The following CCDC30 variants were observed in gnomAD, a reference collection of about 807,000 sequenced individuals.
CCDC30 encodes the protein coiled-coil domain containing 30, also known as coiled-coil domain-containing protein 30.
In CCDC30, 70 loss-of-function variants were observed where a neutral mutation model predicts 100.2. The ratio of observed to expected loss-of-function variants is 0.70; its 90% CI spans 0.58 to 0.85. The LOEUF (loss-of-function observed/expected upper bound fraction) is 0.85. CCDC30 is among the 40% of genes least tolerant of loss of function. CCDC30 has a pLI of 0.00. For synonymous variants in CCDC30, 233 were observed against 269.5 expected (o/e 0.86, Z 1.33); for missense variants, 652 against 771.2 (o/e 0.85, Z 1.83).
chr1:42,457,323 G>A, the CCDC30 span: 3 of 1,614,182 alleles, frequency 1.9e-6, no homozygotes, highest in East Asian at 2.2e-5. Context: ...CTGAACACAA[G>A]ATCCAGTCAT....
chr1:42,642,743 T>C lies in CCDC30; in HGVS notation c.1556+134T>C, dbSNP rs543788212. Reference sequence around the variant, plus strand: ...ACTCTCGCTCCGCTGTCTGCTGTTTTTGGCAGATCATACAAGTGGCAGAAA... The same window carrying C: ...ACTCTCGCTCCGCTGTCTGCTGTTTCTGGCAGATCATACAAGTGGCAGAAA... On this transcript the variant is annotated intron_variant, in intron 13 of 16. Coordinates refer to ENST00000668663, the Ensembl canonical transcript of CCDC30. 23 of 844,076 alleles carry C rather than the reference T, an allele frequency of 2.7e-5. No individual in the cohort carries two copies. In the South Asian group the frequency reaches 8.1e-4, roughly 30 times the overall value. 52.3% of individuals were successfully genotyped at this position (844,076 alleles called of 1,614,324 possible). A position where few individuals can be genotyped will look rare whatever the true frequency, so the allele number is the denominator to read the frequency against.
chr1:42,456,587 G>A, the CCDC30 span: 6 of 1,498,164 alleles, frequency 4.0e-6, no homozygotes, highest in East Asian at 1.4e-4. Context: ...GGATCCGGTA[G>A]CCGAGTTCCC....
At chr1:42,523,221 A>G (rs1644674877) in intron 6 of CCDC30, among the ~76,000 whole-genome samples, 1 of 152,126 alleles carries the variant, frequency 6.6e-6, no homozygotes, top group African/African-American at 2.4e-5. Flanking sequence ...CTGTCCTTTC[A>G]TTTCAACCTG....
intron 6 of CCDC30, among the ~76,000 whole-genome samples, chr1:42,506,200 G>A (rs920042541): frequency 6.6e-6 from 1 of 152,090 alleles, no homozygotes; most frequent in African/African-American, 2.4e-5. Flanking sequence ...CAAGCAAAAA[G>A]TTAAAAAAGA....
At chr1:42,600,808 G>T (rs1026917212) in intron 10 of CCDC30, among the ~76,000 whole-genome samples, 7 of 146,878 alleles carry the variant, frequency 4.8e-5, no homozygotes, top group Middle Eastern at 3.4e-3. Flanking sequence ...TTCCCCCTGT[G>T]CTCTCTCTCT....
the CCDC30 span, chr1:42,457,665 G>A: frequency 3.1e-6 from 1 of 317,848 alleles, no homozygotes; most frequent in Non-Finnish European, 6.0e-6. Context: ...TTTAAAAGAT[G>A]AGCAGAACCG....
chr1:42,532,524 T>G (rs1644821317), intron 6 of CCDC30, among the ~76,000 whole-genome samples: 1 of 152,150 alleles, frequency 6.6e-6, no homozygotes, highest in African/African-American at 2.4e-5. Flanking sequence ...GGTAGGAAAA[T>G]AATAGCCACA....
intron 6 of CCDC30, among the ~76,000 whole-genome samples, chr1:42,545,018 A>T (rs1172214079): frequency 1.3e-5 from 2 of 151,884 alleles, no homozygotes; most frequent in Non-Finnish European, 2.9e-5. Flanking sequence ...TTTATGAATC[A>T]ATGAAGTACA....
chr1:42,610,705 G>T (rs1366224715), intron 10 of CCDC30, among the ~76,000 whole-genome samples: 1 of 152,146 alleles, frequency 6.6e-6, no homozygotes, highest in Non-Finnish European at 1.5e-5. Context: ...GATTATGGGT[G>T]TGAGTCATCA....
chr1:42,525,716 G>A (rs1302143149), intron 6 of CCDC30, among the ~76,000 whole-genome samples: 1 of 152,124 alleles, frequency 6.6e-6, no homozygotes, highest in Non-Finnish European at 1.5e-5. Context: ...TAAGTTACTT[G>A]CTGAATAGCT....
intron 8 of CCDC30, among the ~76,000 whole-genome samples, chr1:42,579,731 T>C (rs773691288): frequency 4.6e-5 from 7 of 151,770 alleles, no homozygotes; most frequent in Non-Finnish European, 8.8e-5. Flanking sequence ...GCATGGTGGC[T>C]CATACCTGTA....
Position 42,578,684 on chromosome 1 carries a change from G to A in CCDC30, c.846+1455G>A, listed in dbSNP as rs1645895324. 2.6e-5 allele frequency among the ~76,000 whole-genome samples: 4 copies of A among 151,986 alleles called. No individual in the cohort carries two copies. In the South Asian group the frequency reaches 6.2e-4, roughly 24 times the overall value. On this transcript the variant is annotated intron_variant, in intron 8 of 16. Coordinates refer to ENST00000668663, the Ensembl canonical transcript of CCDC30. ...ACTAGTATAAATGTTTTAAAGATGT[G>A]TGCATCATACAACTTAACACTTCTA...
At chr1:42,539,909 C>G (rs892690892) in intron 6 of CCDC30, among the ~76,000 whole-genome samples, 4 of 138,934 alleles carry the variant, frequency 2.9e-5, no homozygotes, top group Non-Finnish European at 6.2e-5. Context: ...CACAGTGAGA[C>G]CCCATCTCTA....
At chr1:42,502,553 G>A (rs1030168495) in intron 6 of CCDC30, among the ~76,000 whole-genome samples, 9 of 152,260 alleles carry the variant, frequency 5.9e-5, no homozygotes, top group Non-Finnish European at 1.2e-4. Context: ...CTTCTGCGTC[G>A]CTCATGCTGG....
intron 15 of CCDC30, among the ~76,000 whole-genome samples, chr1:42,651,370 C>T (rs561854029): frequency 6.4e-4 from 97 of 151,890 alleles, no homozygotes; most frequent in African/African-American, 2.2e-3. Context: ...ATATAAGGAT[C>T]TCAACTCAAT....
intron 11 of CCDC30, among the ~76,000 whole-genome samples, chr1:42,628,368 C>T (rs1646970881): frequency 6.6e-6 from 1 of 152,168 alleles, no homozygotes; most frequent in Non-Finnish European, 1.5e-5. Context: ...TCCGATGACA[C>T]TTTGAACTGT....
At chr1:42,578,873 T>C (rs931827586) in intron 8 of CCDC30, among the ~76,000 whole-genome samples, 1 of 152,216 alleles carries the variant, frequency 6.6e-6, no homozygotes, top group African/African-American at 2.4e-5. Context: ...GTAGTATTAC[T>C]GGTAATCTGA....
chr1:42,583,614 C>A (rs1161748667), intron 9 of CCDC30, among the ~76,000 whole-genome samples: 1 of 151,468 alleles, frequency 6.6e-6, no homozygotes, highest in Non-Finnish European at 1.5e-5. Flanking sequence ...TAGATTTTTC[C>A]CAGTTTCTTC....
intron 6 of CCDC30, among the ~76,000 whole-genome samples, chr1:42,499,416 A>G (rs896475246): frequency 6.6e-6 from 1 of 152,284 alleles, no homozygotes; most frequent in African/African-American, 2.4e-5. Flanking sequence ...GCATCTGTTC[A>G]AATCTTTTAT....
Sources: gnomAD v4.1 joint callset for allele counts (sites outside exome capture counted in the v4.1 genomes callset) on GRCh38, gnomAD v4.1.1 for gene constraint, MANE v1.5 for transcripts, NCBI Gene and HGNC (gene_info 2026-07-23, HGNC 2026-07-21) for gene names.